The following COLEC10 variants were observed in gnomAD, a reference collection of about 807,000 sequenced individuals.
COLEC10 encodes the protein collectin subfamily member 10.
In COLEC10, 22 loss-of-function variants were observed where a neutral mutation model predicts 28.4. The observed-to-expected ratio is 0.78, with a 90% CI of 0.55 to 1.11. COLEC10 has a LOEUF of 1.11. COLEC10 is among the 50% of genes least tolerant of loss of function. The pLI, the probability that COLEC10 is intolerant of heterozygous loss-of-function variation, is 0.00. For synonymous variants in COLEC10, 125 were observed against 116.1 expected (o/e 1.08, Z -0.49); for missense variants, 361 against 344.1 (o/e 1.05, Z -0.39).
At chr8:119,104,068 C>T (rs1487767806) in intron 5 of COLEC10, among the ~76,000 whole-genome samples, 173 bp downstream of exon 5, 1 of 152,048 alleles carries the variant, frequency 6.6e-6, no homozygotes. Context: ...CCCTAGGACA[C>T]CTCAAGTCTG....
In COLEC10 at chr8:119,091,184, G is replaced by A; in HGVS notation, c.256G>A (p.Gly86Ser). ...KGELGDMGDQ[G>S]NIGKTGPIGK... is the part of the protein sequence containing the mutation. ...AGAACTGGGTGATATGGGAGATCAG[G>A]GCAATATTGGCAAGACTGGGCCCAT... Residue 86 changes from glycine (G) to serine (S), a missense_variant, in exon 3 of 6, where the codon GGC becomes AGC. Physicochemically the swap from Gly to Ser is moderately conservative, Grantham distance 56. Coordinates refer to ENST00000332843, the MANE Select transcript of COLEC10 (RefSeq NM_006438.5). 1 of 1,612,786 alleles carries A rather than the reference G, an allele frequency of 6.2e-7. No homozygotes were observed. The highest frequency in any genetic ancestry group is 1.1e-5 in the South Asian group (1 of 90,856).
intron 2 of COLEC10, among the ~76,000 whole-genome samples, chr8:119,047,813 A>G (rs1291177646): frequency 6.6e-6 from 1 of 152,172 alleles, no homozygotes; most frequent in Non-Finnish European, 1.5e-5. Flanking sequence ...CTGATTTTCA[A>G]GATAAATTCT....
At chr8:118,956,561 C>T in the COLEC10 span, among the ~76,000 whole-genome samples, 1 of 152,128 alleles carries the variant, frequency 6.6e-6, no homozygotes, top group South Asian at 2.1e-4. Context: ...TCACTCTAGT[C>T]ACTTCAACTG....
chr8:119,039,031 T>C (rs1814442314), intron 2 of COLEC10, among the ~76,000 whole-genome samples: 1 of 152,118 alleles, frequency 6.6e-6, no homozygotes, highest in Admixed American at 6.5e-5. Flanking sequence ...AAATTCTGTT[T>C]CTACAAGATC....
chr8:119,053,566 C>T (rs1814711677), intron 2 of COLEC10, among the ~76,000 whole-genome samples: 2 of 152,002 alleles, frequency 1.3e-5, no homozygotes, highest in African/African-American at 4.8e-5. Flanking sequence ...TAAATCCTCA[C>T]TTCACTACTT....
intron 2 of COLEC10, among the ~76,000 whole-genome samples, chr8:119,016,777 C>T (rs1344817817): frequency 2.6e-5 from 4 of 152,132 alleles, no homozygotes; most frequent in Non-Finnish European, 5.9e-5. Flanking sequence ...AGTGCAGTGG[C>T]ACAATCTCAG....
Position 119,108,307 on chromosome 8 carries a change from C to T in COLEC10, c.*2116C>T, listed in dbSNP as rs953711122. 2.6e-5 allele frequency among the ~76,000 whole-genome samples: 4 copies of T among 152,294 alleles called. No homozygotes were observed. The highest frequency in any genetic ancestry group is 1.3e-4 in the Admixed American group (2 of 15,290). On this transcript the variant is annotated 3_prime_UTR_variant, in exon 6 of 6. Coordinates refer to ENST00000332843, the MANE Select transcript of COLEC10 (RefSeq NM_006438.5). ...TATGTAAGAAGAGAGGAAGGAGAGA[C>T]ATGCAGCAAATGTTGCCTACGGGCA...
At chr8:118,962,547 G>C in the COLEC10 span, among the ~76,000 whole-genome samples, 1 of 152,074 alleles carries the variant, frequency 6.6e-6, no homozygotes, top group East Asian at 1.9e-4. Flanking sequence ...CCACAATCAA[G>C]GTAATAGGCA....
At chr8:119,036,667 GTTAT>G (rs1465408444) in intron 2 of COLEC10, among the ~76,000 whole-genome samples, 3 of 152,100 alleles carry the variant, frequency 2.0e-5, no homozygotes, top group Non-Finnish European at 4.4e-5. Context: ...CAACAAAGGG[GTTAT>G]TTTAGTCAGG....
upstream of COLEC10, among the ~76,000 whole-genome samples, chr8:119,066,528 C>A (rs997895022): frequency 3.9e-5 from 6 of 152,242 alleles, no homozygotes; most frequent in African/African-American, 1.4e-4. Context: ...GTAATTTGCC[C>A]ACTGTTAACA....
upstream of COLEC10, among the ~76,000 whole-genome samples, chr8:118,994,593 G>A (rs1813560011): frequency 6.6e-6 from 1 of 152,136 alleles, no homozygotes; most frequent in African/African-American, 2.4e-5. Context: ...TATATCCCTT[G>A]TCCAAGGTAG....
chr8:119,081,302 C>G (rs143094323), intron 1 of COLEC10, among the ~76,000 whole-genome samples: 8 of 152,180 alleles, frequency 5.3e-5, no homozygotes, highest in African/African-American at 1.7e-4. Flanking sequence ...ATATATTTCT[C>G]TAATAATCTG....
intron 1 of COLEC10, among the ~76,000 whole-genome samples, chr8:119,005,128 C>T (rs1013557279): frequency 2.4e-4 from 37 of 152,094 alleles, no homozygotes; most frequent in Non-Finnish European, 5.1e-4. Context: ...CTTAATTTCA[C>T]TCAATTCCTT....
At chr8:119,084,139 G>A (rs1815421996) in intron 1 of COLEC10, among the ~76,000 whole-genome samples, 1 of 152,130 alleles carries the variant, frequency 6.6e-6, no homozygotes, top group African/African-American at 2.4e-5. Flanking sequence ...AGTAGTATGG[G>A]TCTCAGAGTG....
At chr8:119,012,324 G>A (rs1401582820) in intron 2 of COLEC10, among the ~76,000 whole-genome samples, 1 of 150,684 alleles carries the variant, frequency 6.6e-6, no homozygotes, top group Non-Finnish European at 1.5e-5. Context: ...AACTCAACAC[G>A]GTTATGGTGT....
chr8:119,049,158 G>A (rs1322186220), intron 2 of COLEC10, among the ~76,000 whole-genome samples: 1 of 152,004 alleles, frequency 6.6e-6, no homozygotes, highest in Non-Finnish European at 1.5e-5. Flanking sequence ...GCTAAAAATA[G>A]TCCCCCAATC....
intron 2 of COLEC10, among the ~76,000 whole-genome samples, chr8:119,049,858 G>C (rs1267881875): frequency 1.3e-5 from 2 of 152,262 alleles, no homozygotes; most frequent in Admixed American, 6.5e-5. Flanking sequence ...CTCCATTAAT[G>C]ATGAGGGAAT....
chr8:119,036,280 G>A (rs76972640), intron 2 of COLEC10, among the ~76,000 whole-genome samples: 1,906 of 152,230 alleles, frequency 0.013, 37 homozygotes, highest in African/African-American at 0.043. Flanking sequence ...GGTACAAAAC[G>A]TACTGTTGAG....
intron 3 of COLEC10, among the ~76,000 whole-genome samples, chr8:119,093,186 T>C (rs1293265586): frequency 6.6e-6 from 1 of 152,204 alleles, no homozygotes; most frequent in African/African-American, 2.4e-5. Context: ...AGCATGTGGC[T>C]CACTTGTCCA....
Sources: gnomAD v4.1 joint callset for allele counts (sites outside exome capture counted in the v4.1 genomes callset) on GRCh38, gnomAD v4.1.1 for gene constraint, MANE v1.5 for transcripts, NCBI Gene and HGNC (gene_info 2026-07-23, HGNC 2026-07-21) for gene names.